PHACTR1: variants seen among roughly 807,000 people sequenced by gnomAD.
The protein encoded by PHACTR1 is RPEL repeat containing 1.
A neutral mutation model predicts 69.2 loss-of-function variants in PHACTR1; 16 were observed. The ratio of observed to expected loss-of-function variants is 0.23; its 90% CI spans 0.16 to 0.35. The LOEUF is 0.35. PHACTR1 is among the 10% of genes least tolerant of loss of function. PHACTR1 has a pLI of 1.00. For missense variants in PHACTR1, 510 were observed against 734.7 expected (o/e 0.69, Z 3.54); for synonymous variants, 312 against 284.5 (o/e 1.10, Z -0.97).
At chr6:13,082,574 AG>A (rs1811570483) in intron 5 of PHACTR1, among the ~76,000 whole-genome samples, 1 of 152,178 alleles carries the variant, frequency 6.6e-6, no homozygotes. Flanking sequence ...ACAGTGTAAA[AG>A]TGTCCCTATT....
At position 13,249,519 on chromosome 6, in the gene PHACTR1, C is replaced by A. The variant is rs183965494; in HGVS notation, c.1391+19326C>A. 6.1e-3 allele frequency among the ~76,000 whole-genome samples: 934 copies of A among 152,272 alleles called. 4 individuals carry two copies. Among genetic ancestry groups the A allele is most frequent in the Middle Eastern group, 0.014 (4 of 294 alleles). On this transcript the variant is annotated intron_variant, in intron 10 of 14. Coordinates refer to ENST00000332995, the MANE Select transcript of PHACTR1 (RefSeq NM_030948.6). Reference sequence around the variant, plus strand: ...TACACTAAAATGTGTGGTGATTAAGCCGGGCGTGGTGGCTCATGCCTGTAA... The same window carrying A: ...TACACTAAAATGTGTGGTGATTAAGACGGGCGTGGTGGCTCATGCCTGTAA...
At position 12,809,355 on chromosome 6, in the gene PHACTR1, C is replaced by A. The variant is rs535485811; in HGVS notation, c.250+59565C>A. 5.9e-5 allele frequency among the ~76,000 whole-genome samples: 9 copies of A among 152,266 alleles called. No individual in the cohort carries two copies. In the East Asian group the frequency reaches 1.2e-3, roughly 20 times the overall value. ...AGTGCAGGAATATAGATATTCCACA[C>A]CCAGCCCCATTCCTGTGCCCACAAC... On this transcript the variant is annotated intron_variant, in intron 4 of 14. Coordinates refer to ENST00000332995, the MANE Select transcript of PHACTR1 (RefSeq NM_030948.6).
At chr6:13,196,045 C>A (rs1251659676) in intron 7 of PHACTR1, among the ~76,000 whole-genome samples, 2 of 151,806 alleles carry the variant, frequency 1.3e-5, no homozygotes, top group Non-Finnish European at 2.9e-5. Context: ...TCCACTCCAT[C>A]AACAGAGACA....
rs573311387 is a variant in PHACTR1 at position 13,139,918 on chromosome 6, A to G, written c.416-20286A>G. 2.0e-5 allele frequency among the ~76,000 whole-genome samples: 3 copies of G among 152,338 alleles called. No individual in the cohort carries two copies. In the East Asian group the frequency reaches 5.8e-4, roughly 29 times the overall value. On this transcript the variant is annotated intron_variant, in intron 5 of 14. Coordinates refer to ENST00000332995, the MANE Select transcript of PHACTR1 (RefSeq NM_030948.6). ...CCACTTTCCCTTTGCAGAGAATTCAAAAGTCTTATAATCCAAAAGGGTCAA... is the reference window on the plus strand; with the variant it reads ...CCACTTTCCCTTTGCAGAGAATTCAGAAGTCTTATAATCCAAAAGGGTCAA...
At chr6:12,950,769 C>A (rs968672190) in intron 4 of PHACTR1, among the ~76,000 whole-genome samples, 1 of 152,196 alleles carries the variant, frequency 6.6e-6, no homozygotes, top group Non-Finnish European at 1.5e-5. Flanking sequence ...AACTTCCCCC[C>A]AGTTTACGAA....
intron 4 of PHACTR1, among the ~76,000 whole-genome samples, chr6:12,909,972 G>A (rs1786197023): frequency 6.6e-6 from 1 of 152,214 alleles, no homozygotes; most frequent in African/African-American, 2.4e-5. Context: ...TATCTGTCCA[G>A]CCCTGCCCTG....
intron 4 of PHACTR1, among the ~76,000 whole-genome samples, chr6:12,797,827 A>T (rs1773234387): frequency 6.6e-6 from 1 of 152,136 alleles, no homozygotes; most frequent in Non-Finnish European, 1.5e-5. Flanking sequence ...GGATGATCAC[A>T]GGAGTTGGAG....
chr6:12,935,766 T>C (rs1423237436), intron 4 of PHACTR1, among the ~76,000 whole-genome samples: 1 of 152,114 alleles, frequency 6.6e-6, no homozygotes, highest in Non-Finnish European at 1.5e-5. Flanking sequence ...TTTCTTATTG[T>C]ATTTCCATCT....
At chr6:12,903,724 A>G (rs1331213667) in intron 4 of PHACTR1, among the ~76,000 whole-genome samples, 1 of 152,266 alleles carries the variant, frequency 6.6e-6, no homozygotes, top group African/African-American at 2.4e-5. Context: ...ATCATATAAA[A>G]ATAGCTTAAA....
intron 4 of PHACTR1, among the ~76,000 whole-genome samples, chr6:12,999,425 C>T (rs535835803): frequency 6.6e-6 from 1 of 152,262 alleles, no homozygotes; most frequent in South Asian, 2.1e-4. Context: ...TGGTGAAACC[C>T]TGTCTCTACT....
At chr6:12,978,698 C>A (rs752394894) in intron 4 of PHACTR1, among the ~76,000 whole-genome samples, 1 of 152,204 alleles carries the variant, frequency 6.6e-6, no homozygotes, top group Non-Finnish European at 1.5e-5. Context: ...CCTGCTAGGA[C>A]GGTGTTGGCT....
At chr6:13,169,331 T>G (rs189774591) in intron 6 of PHACTR1, among the ~76,000 whole-genome samples, 1 of 152,244 alleles carries the variant, frequency 6.6e-6, no homozygotes, top group East Asian at 1.9e-4. Context: ...GACCTCTAAG[T>G]ATACAGACAT....
intron 5 of PHACTR1, among the ~76,000 whole-genome samples, chr6:13,132,228 C>T (rs1408249280): frequency 6.6e-6 from 1 of 152,106 alleles, no homozygotes; most frequent in African/African-American, 2.4e-5. Flanking sequence ...GAACTAGTGG[C>T]ACTTCCTGGC....
intron 4 of PHACTR1, among the ~76,000 whole-genome samples, chr6:12,789,240 A>G (rs1300562710): frequency 2.0e-5 from 3 of 152,148 alleles, no homozygotes; most frequent in African/African-American, 7.2e-5. Context: ...CTGGTCAGCA[A>G]CATTTTGTAC....
intron 4 of PHACTR1, among the ~76,000 whole-genome samples, chr6:13,041,339 TACACACACACACAC>T (rs368368056): frequency 4.4e-5 from 6 of 135,366 alleles, no homozygotes; most frequent in East Asian, 2.3e-4. Context: ...TTAAAATACA[TACACACACACACAC>T]ACACACACAC....
At chr6:12,922,319 G>A (rs545890238) in intron 4 of PHACTR1, among the ~76,000 whole-genome samples, 2 of 152,174 alleles carry the variant, frequency 1.3e-5, no homozygotes, top group Non-Finnish European at 2.9e-5. Context: ...TTTAGCAAAA[G>A]CATGTAAAAT....
At chr6:12,964,996 C>T (rs75179224) in intron 4 of PHACTR1, among the ~76,000 whole-genome samples, 1,927 of 152,242 alleles carry the variant, frequency 0.013, 29 homozygotes, top group Non-Finnish European at 0.022. Flanking sequence ...TGCTCAAGTT[C>T]CTGATAGAAA....
Position 12,891,505 on chromosome 6 carries a change from A to G in PHACTR1, c.250+141715A>G, listed in dbSNP as rs115048495. ...CAAAGAAATGAAGTTTGAAGATGCT[A>G]TGTGACTCAAAGCCTCAAGATGGAT... is the stretch of plus-strand genomic sequence containing the variant. On this transcript the variant is annotated intron_variant, in intron 4 of 14. Coordinates refer to ENST00000332995, the MANE Select transcript of PHACTR1 (RefSeq NM_030948.6). Among the ~76,000 whole-genome samples the G allele has an allele frequency of 7.4e-3, 1,122 of 152,312 alleles. 18 individuals are homozygous for G. Among genetic ancestry groups the G allele is most frequent in the African/African-American group, 0.025 (1,023 of 41,560 alleles).
chr6:13,248,386 T>C (rs1393523583), intron 10 of PHACTR1, among the ~76,000 whole-genome samples: 1 of 152,248 alleles, frequency 6.6e-6, no homozygotes, highest in East Asian at 1.9e-4. Context: ...GGCTACCTAA[T>C]TAGTTAAAAT....
Sources: allele counts gnomAD v4.1 joint callset (sites outside exome capture counted in the v4.1 genomes callset), GRCh38; gene constraint gnomAD v4.1.1; transcripts MANE v1.5; gene names NCBI Gene and HGNC (gene_info 2026-07-23, HGNC 2026-07-21).